Variants in MEIS2 observed in about 807,000 individuals in gnomAD.
MEIS2 encodes the protein Meis homeobox 2.
Under a neutral mutation model 58.6 loss-of-function variants are expected in MEIS2, and 9 were observed. The ratio of observed to expected loss-of-function variants is 0.15; its 90% CI spans 0.09 to 0.27. The LOEUF is 0.27. Ranked by LOEUF, MEIS2 falls within the 10% of genes least tolerant of loss-of-function variation. The probability of loss-of-function intolerance (pLI) is 1.00; values close to 1 mark genes in which losing one functional copy is unlikely to be tolerated. For missense variants in MEIS2, 427 were observed against 635.0 expected, an observed-to-expected ratio of 0.67 and a Z score of 3.52; for synonymous variants, 221 against 228.4, an observed-to-expected ratio of 0.97 and a Z score of 0.29.
intron 2 of MEIS2, 76 bp from the exon 3 acceptor site, chr15:37,096,506 CA>C (rs1425397970): frequency 6.5e-7 from 1 of 1,549,870 alleles, no homozygotes; most frequent in Non-Finnish European, 8.7e-7. Flanking sequence ...CTGTAATCAA[CA>C]AGTTTGGAGG....
intron 9 of MEIS2, among the ~76,000 whole-genome samples, chr15:36,913,821 A>G (rs2057153480): frequency 6.6e-6 from 1 of 152,158 alleles, no homozygotes; most frequent in Non-Finnish European, 1.5e-5. Flanking sequence ...AACTCAGACC[A>G]TGATACACAA....
intron 9 of MEIS2, among the ~76,000 whole-genome samples, chr15:36,919,701 C>T (rs773003146): frequency 1.3e-5 from 2 of 152,072 alleles, no homozygotes; most frequent in Non-Finnish European, 2.9e-5. Context: ...CTATAATCAC[C>T]TAAACATTGG....
In MEIS2 at chr15:36,936,171, C is replaced by T. The variant is rs545194752; in HGVS notation, c.977+14153G>A. 2.7e-3 allele frequency among the ~76,000 whole-genome samples: 403 copies of T among 151,468 alleles called. 3 individuals are homozygous for T. The highest frequency in any genetic ancestry group is 8.3e-3 in the African/African-American group (342 of 41,294). On this transcript the variant is annotated intron_variant, in intron 9 of 11. Coordinates refer to ENST00000561208, the MANE Select transcript of MEIS2 (RefSeq NM_170675.5). ...GCAAATCGACCACAGTTTCTGCCTGCAAGGAGTGGGAGGTGCATTTTCTTT... is the reference window on the plus strand; with the variant it reads ...GCAAATCGACCACAGTTTCTGCCTGTAAGGAGTGGGAGGTGCATTTTCTTT...
At chr15:36,972,732 T>C (rs1358513692) in intron 8 of MEIS2, 1 of 152,194 alleles carries the variant, frequency 6.6e-6, no homozygotes, top group African/African-American at 2.4e-5. Context: ...AAGATTCAAG[T>C]GTATAACAAA....
At chr15:36,936,417 G>C (rs1370182921) in intron 9 of MEIS2, among the ~76,000 whole-genome samples, 1 of 151,866 alleles carries the variant, frequency 6.6e-6, no homozygotes, top group Non-Finnish European at 1.5e-5. Context: ...GGATGGTCTC[G>C]ATCTCCTGAG....
At chr15:37,055,152 T>G (rs964773162) in intron 7 of MEIS2, among the ~76,000 whole-genome samples, 90 of 152,324 alleles carry the variant, frequency 5.9e-4, no homozygotes, top group Middle Eastern at 3.4e-3. Context: ...TCAGAGTCCA[T>G]CTGTCCAGAA....
At chr15:37,057,913 C>T (rs1596034330) in intron 7 of MEIS2, among the ~76,000 whole-genome samples, 1 of 151,962 alleles carries the variant, frequency 6.6e-6, no homozygotes, top group Non-Finnish European at 1.5e-5. Context: ...TGGAGTGTAA[C>T]CATATATAAA....
At chr15:36,953,888 T>G (rs1252741952) in intron 8 of MEIS2, among the ~76,000 whole-genome samples, 1 of 152,206 alleles carries the variant, frequency 6.6e-6, no homozygotes, top group Non-Finnish European at 1.5e-5. Context: ...TGGAAATAGA[T>G]CTACAATATC....
At chr15:36,956,137 A>C (rs1284549176) in intron 8 of MEIS2, among the ~76,000 whole-genome samples, 2 of 142,874 alleles carry the variant, frequency 1.4e-5, no homozygotes, top group East Asian at 2.2e-4. Context: ...CGGAGCTTGC[A>C]GTGAGCCGAG....
At chr15:37,096,858 G>A (rs940620835) in intron 2 of MEIS2, among the ~76,000 whole-genome samples, 2 of 152,102 alleles carry the variant, frequency 1.3e-5, no homozygotes, top group African/African-American at 4.8e-5. Flanking sequence ...AAAAAAAATA[G>A]TTTTAACTCT....
At chr15:36,984,051 T>C (rs1268569656) in intron 8 of MEIS2, among the ~76,000 whole-genome samples, 3 of 152,140 alleles carry the variant, frequency 2.0e-5, no homozygotes, top group Non-Finnish European at 4.4e-5. Context: ...TTTCGATATA[T>C]AAGATCACAA....
intron 7 of MEIS2, among the ~76,000 whole-genome samples, chr15:37,050,549 G>A (rs2062872545): frequency 6.6e-6 from 1 of 152,134 alleles, no homozygotes; most frequent in African/African-American, 2.4e-5. Flanking sequence ...ACAGACAATA[G>A]AGAACAGGGG....
intron 9 of MEIS2, among the ~76,000 whole-genome samples, chr15:36,901,938 A>G (rs1235463960): frequency 6.6e-6 from 1 of 152,226 alleles, no homozygotes; most frequent in East Asian, 1.9e-4. Flanking sequence ...TGTATACTCC[A>G]GACTTATGCA....
At chr15:36,996,976 C>T (rs2060545255) in intron 8 of MEIS2, among the ~76,000 whole-genome samples, 2 of 152,216 alleles carry the variant, frequency 1.3e-5, no homozygotes, top group African/African-American at 4.8e-5. Flanking sequence ...TCAAACAGAG[C>T]TGTGAATCAC....
At chr15:37,058,676 A>G (rs1343293538) in intron 7 of MEIS2, among the ~76,000 whole-genome samples, 2 of 152,230 alleles carry the variant, frequency 1.3e-5, no homozygotes, top group Non-Finnish European at 1.5e-5. Flanking sequence ...TCCTCTTTCT[A>G]TTACCACTTG....
At chr15:37,059,176 G>A (rs1246239482) in intron 7 of MEIS2, among the ~76,000 whole-genome samples, 8 of 152,126 alleles carry the variant, frequency 5.3e-5, no homozygotes, top group Admixed American at 5.2e-4. Flanking sequence ...TACTAGGGGA[G>A]CAGACTGCTT....
chr15:36,996,207 G>GA (rs2060516932), intron 8 of MEIS2, among the ~76,000 whole-genome samples: 1 of 151,844 alleles, frequency 6.6e-6, no homozygotes, highest in African/African-American at 2.4e-5. Flanking sequence ...AAACAGCAAT[G>GA]AAAGGTCATT....
chr15:36,946,727 A>G (rs1215028693), intron 9 of MEIS2, among the ~76,000 whole-genome samples: 3 of 151,994 alleles, frequency 2.0e-5, no homozygotes, highest in African/African-American at 7.2e-5. Context: ...TTACAACTAT[A>G]TGAGATATAT....
intron 8 of MEIS2, among the ~76,000 whole-genome samples, chr15:36,968,719 C>G (rs970853499): frequency 1.3e-5 from 2 of 152,140 alleles, no homozygotes; most frequent in African/African-American, 4.8e-5. Context: ...CTTGTGCAGT[C>G]AAAGGAATCA....
Sources: allele counts gnomAD v4.1 joint callset (sites outside exome capture counted in the v4.1 genomes callset), GRCh38; gene constraint gnomAD v4.1.1; transcripts MANE v1.5; gene names NCBI Gene and HGNC (gene_info 2026-07-23, HGNC 2026-07-21).